The following TENM4 variants were observed in gnomAD, a reference collection of about 807,000 sequenced individuals.
The protein encoded by TENM4 is teneurin-4.
TENM4 carries 82 observed loss-of-function variants against 243.3 expected under a neutral mutation model. The ratio of observed to expected loss-of-function variants is 0.34; its 90% confidence interval spans 0.28 to 0.40. The LOEUF is 0.40. Ranked by LOEUF, TENM4 falls within the 10% of genes least tolerant of loss-of-function variation. The probability of loss-of-function intolerance (pLI) is 1.00; values close to 1 mark genes in which losing one functional copy is unlikely to be tolerated. For synonymous variants in TENM4, 1,412 were observed against 1,456.3 expected (o/e 0.97, Z 0.69); for missense variants, 3,138 against 3,673.3 (o/e 0.85, Z 3.77).
intron 12 of TENM4, among the ~76,000 whole-genome samples, chr11:78,815,112 C>T (rs575743136): frequency 3.3e-5 from 5 of 152,342 alleles, no homozygotes; most frequent in East Asian, 1.9e-4. Context: ...TCTGGCTGGG[C>T]GTGGTGGCTC....
rs572484130 is a variant in TENM4, at chr11:78,770,030, T to A, written c.2539+962A>T. Reference sequence around the variant, plus strand: ...CAACATATTAGAAAGTCCTTTGGTATAAATATTAGGGAGCCACATAGACTT... The same window carrying A: ...CAACATATTAGAAAGTCCTTTGGTAAAAATATTAGGGAGCCACATAGACTT... On this transcript the variant is annotated intron_variant, in intron 18 of 33. Coordinates refer to ENST00000278550, the MANE Select transcript of TENM4 (RefSeq NM_001098816.3). 2.0e-5 allele frequency among the ~76,000 whole-genome samples: 3 copies of A among 152,344 alleles called. No homozygotes were observed. In the South Asian group the frequency reaches 6.2e-4, roughly 32 times the overall value.
chr11:78,998,213 G>C (rs1858226858), intron 6 of TENM4, among the ~76,000 whole-genome samples: 1 of 152,226 alleles, frequency 6.6e-6, no homozygotes, highest in African/African-American at 2.4e-5. Context: ...CAGTAGAAAA[G>C]CACTGAAAGA....
At chr11:79,019,332 T>C (rs1858862040) in intron 6 of TENM4, among the ~76,000 whole-genome samples, 1 of 152,144 alleles carries the variant, frequency 6.6e-6, no homozygotes, top group African/African-American at 2.4e-5. Context: ...ACCTTCATTC[T>C]CTTACTTCTT....
At chr11:79,323,066 C>G (rs966097006) in intron 1 of TENM4, among the ~76,000 whole-genome samples, 1 of 152,190 alleles carries the variant, frequency 6.6e-6, no homozygotes, top group African/African-American at 2.4e-5. Context: ...TGGGCACTCA[C>G]AGTAGATACT....
chr11:79,024,918 A>G (rs1859035282), intron 6 of TENM4, among the ~76,000 whole-genome samples: 1 of 152,200 alleles, frequency 6.6e-6, no homozygotes, highest in South Asian at 2.1e-4. Context: ...GGCTCTTGTC[A>G]CCAGCATCTT....
At chr11:79,177,828 G>A (rs1260138182) in intron 3 of TENM4, among the ~76,000 whole-genome samples, 1 of 152,160 alleles carries the variant, frequency 6.6e-6, no homozygotes, top group African/African-American at 2.4e-5. Flanking sequence ...GGAGATGGGA[G>A]CACAGCATCA....
chr11:78,859,362 G>C (rs974536431), intron 10 of TENM4, among the ~76,000 whole-genome samples: 1 of 152,076 alleles, frequency 6.6e-6, no homozygotes, highest in Admixed American at 6.5e-5. Flanking sequence ...TCACAATTAG[G>C]GCTCCCCTAC....
At chr11:79,096,602 G>A (rs1861083226) in intron 4 of TENM4, 1 of 150,302 alleles carries the variant, frequency 6.7e-6, no homozygotes. Flanking sequence ...CAGGAACGCA[G>A]CTGTCTGGAA....
chr11:78,774,361 A>G (rs1028734220), intron 17 of TENM4, among the ~76,000 whole-genome samples: 13 of 152,172 alleles, frequency 8.5e-5, no homozygotes, highest in Admixed American at 2.6e-4. Context: ...CTTGCCAAAA[A>G]CGGTCAAGAC....
At chr11:78,788,011 G>A (rs1201158274) in intron 15 of TENM4, among the ~76,000 whole-genome samples, 2 of 152,192 alleles carry the variant, frequency 1.3e-5, no homozygotes, top group Non-Finnish European at 2.9e-5. Flanking sequence ...GGGCTCTGAG[G>A]GAGAGAGACT....
intron 12 of TENM4, among the ~76,000 whole-genome samples, chr11:78,821,618 C>A (rs974085502): frequency 6.6e-6 from 1 of 152,146 alleles, no homozygotes; most frequent in Non-Finnish European, 1.5e-5. Flanking sequence ...TAAGCTAGAA[C>A]GTGTTCACTG....
At chr11:79,378,884 T>TA (rs34204961) in intron 1 of TENM4, among the ~76,000 whole-genome samples, 6,285 of 116,822 alleles carry the variant, frequency 0.054, 393 homozygotes, top group African/African-American at 0.16. Flanking sequence ...CCCTGTCTGT[T>TA]AAAAAAAAAA....
At chr11:78,775,238 C>G (rs776714944) in intron 17 of TENM4, among the ~76,000 whole-genome samples, 1 of 152,212 alleles carries the variant, frequency 6.6e-6, no homozygotes, top group Non-Finnish European at 1.5e-5. Flanking sequence ...CATGGAACCC[C>G]CTCTGGGAAG....
intron 6 of TENM4, among the ~76,000 whole-genome samples, chr11:78,944,954 T>G (rs924601010): frequency 1.2e-4 from 19 of 152,248 alleles, no homozygotes; most frequent in Admixed American, 6.5e-4. Context: ...TAAAAACTCT[T>G]AATAAAAGGA....
At chr11:78,898,887 T>C (rs1490121169) in intron 7 of TENM4, among the ~76,000 whole-genome samples, 1 of 152,190 alleles carries the variant, frequency 6.6e-6, no homozygotes, top group East Asian at 1.9e-4. Context: ...AGTGAATATT[T>C]ATTGAATAAT....
chr11:78,695,279 G>C (rs1012935399), intron 28 of TENM4, among the ~76,000 whole-genome samples: 1 of 152,002 alleles, frequency 6.6e-6, no homozygotes, highest in African/African-American at 2.4e-5. Flanking sequence ...ATCCTTTCTA[G>C]GTTCCCTTAC....
In TENM4 at chr11:79,315,490, G is replaced by A. The variant is rs192205785; in HGVS notation, c.-320-17947C>T. On this transcript the variant is annotated intron_variant, in intron 1 of 33. Transcript: ENST00000278550. ...AGGCATAGGTTTGTTGTTTGGCTGC[G>A]GATAGGGGAGCAGGCACAGGTTTGC... Among the ~76,000 whole-genome samples, 4 of 152,300 alleles carry A rather than the reference G, an allele frequency of 2.6e-5. No individual in the cohort carries two copies. The East Asian group carries it at 7.7e-4, about 29-fold the overall frequency.
intron 1 of TENM4, among the ~76,000 whole-genome samples, chr11:79,315,443 C>A (rs1856787631): frequency 6.6e-6 from 1 of 152,202 alleles, no homozygotes; most frequent in Admixed American, 6.5e-5. Context: ...ACATGTCTTG[C>A]AGAGAGGTCA....
chr11:78,765,110 C>G (rs529791256), intron 18 of TENM4, among the ~76,000 whole-genome samples: 1 of 152,302 alleles, frequency 6.6e-6, no homozygotes, highest in Non-Finnish European at 1.5e-5. Context: ...AACCATATCT[C>G]GCTCTTGTCT....
Sources: allele counts gnomAD v4.1 joint callset (sites outside exome capture counted in the v4.1 genomes callset), GRCh38; gene constraint gnomAD v4.1.1; transcripts MANE v1.5; gene names NCBI Gene and HGNC (gene_info 2026-07-23, HGNC 2026-07-21).